The following PLPPR1 variants were observed in gnomAD, a reference collection of about 807,000 sequenced individuals.
PLPPR1 encodes phospholipid phosphatase related 1.
A neutral mutation model predicts 33.1 loss-of-function variants in PLPPR1; 10 were observed. The observed-to-expected ratio is 0.30, with a 90% CI of 0.19 to 0.51. The LOEUF (loss-of-function observed/expected upper bound fraction) is 0.51, where lower values mean the gene tolerates loss of function less well. Among genes scored for constraint, PLPPR1 ranks in the 20% least tolerant of loss-of-function variants. The pLI is 0.97. For synonymous variants in PLPPR1, 151 were observed against 151.0 expected (o/e 1.00, Z 0.00); for missense variants, 304 against 408.1 (o/e 0.74, Z 2.20).
chr9:101,246,262 G>C (rs1588093693), intron 2 of PLPPR1, among the ~76,000 whole-genome samples: 1 of 151,468 alleles, frequency 6.6e-6, no homozygotes, highest in Non-Finnish European at 1.5e-5. Context: ...CCCACCCTAA[G>C]AAAGGAGTAG....
At chr9:101,129,227 A>G (rs1339137377) in intron 1 of PLPPR1, among the ~76,000 whole-genome samples, 1 of 152,162 alleles carries the variant, frequency 6.6e-6, no homozygotes, top group Non-Finnish European at 1.5e-5. Context: ...AAATGTTGGC[A>G]AAGTGATGGA....
At chr9:101,312,125 T>G (rs1366653093) in intron 5 of PLPPR1, among the ~76,000 whole-genome samples, 1 of 152,202 alleles carries the variant, frequency 6.6e-6, no homozygotes, top group African/African-American at 2.4e-5. Flanking sequence ...ACAGAAAATT[T>G]TAATATTTTA....
At chr9:101,254,063 C>T (rs1252550175) in intron 2 of PLPPR1, among the ~76,000 whole-genome samples, 2 of 152,036 alleles carry the variant, frequency 1.3e-5, no homozygotes, top group African/African-American at 4.8e-5. Flanking sequence ...ACATTTTTGG[C>T]ACCAGAGACC....
At chr9:101,109,191 G>T (rs1338871585) in intron 1 of PLPPR1, among the ~76,000 whole-genome samples, 1 of 141,886 alleles carries the variant, frequency 7.0e-6, no homozygotes, top group Admixed American at 7.4e-5. Context: ...AGCCAGGATG[G>T]TCTCTATCTC....
chr9:101,240,102 T>C (rs1006364523), intron 2 of PLPPR1, among the ~76,000 whole-genome samples: 1 of 152,090 alleles, frequency 6.6e-6, no homozygotes, highest in African/African-American at 2.4e-5. Flanking sequence ...AGTTTTATTC[T>C]TCCGCCTATG....
intron 2 of PLPPR1, among the ~76,000 whole-genome samples, chr9:101,222,465 GGA>G (rs1399069187): frequency 6.6e-6 from 1 of 152,088 alleles, no homozygotes; most frequent in Non-Finnish European, 1.5e-5. Context: ...GTATGAGGTG[GGA>G]CCAGGAGGCA....
intron 2 of PLPPR1, among the ~76,000 whole-genome samples, chr9:101,257,305 A>G (rs1827819577): frequency 6.6e-6 from 1 of 152,188 alleles, no homozygotes; most frequent in Non-Finnish European, 1.5e-5. Context: ...ACACATTTAT[A>G]TGAAACCAAT....
chr9:101,240,120 A>G (rs78290209), intron 2 of PLPPR1, among the ~76,000 whole-genome samples: 11,176 of 152,002 alleles, frequency 0.074, 1,339 homozygotes, highest in African/African-American at 0.25. Context: ...ATGGAGATCC[A>G]GTTTTTTTCT....
chr9:101,230,347 A>G (rs1037257981), intron 2 of PLPPR1, among the ~76,000 whole-genome samples: 28 of 152,088 alleles, frequency 1.8e-4, no homozygotes, highest in African/African-American at 6.3e-4. Flanking sequence ...GATTGTTGAT[A>G]TTTCCTTTCA....
In PLPPR1 at chr9:101,317,366, G is replaced by A. The variant is rs1307147972; in HGVS notation, c.815G>A (p.Gly272Glu). ...ILGTAVALFLGMCVVHNFKGT... is the reference protein window; with the variant it reads ...ILGTAVALFLEMCVVHNFKGT... ...TCTTTTTTCCCCCTCATCCTGCAGGGAATGTGTGTGGTTCATAACTTTAAA... is the reference window on the plus strand; with the variant it reads ...TCTTTTTTCCCCCTCATCCTGCAGGAAATGTGTGTGGTTCATAACTTTAAA... Residue 272 changes from glycine to glutamate, a missense_variant and splice_region_variant, in exon 7 of 8, where the codon GGA (glycine) becomes GAA (glutamate). Coordinates refer to ENST00000374874, the MANE Select transcript of PLPPR1 (RefSeq NM_207299.2). The A allele has an allele frequency of 1.2e-6, 2 of 1,613,368 alleles. No individual in the cohort carries two copies. The highest frequency in any genetic ancestry group is 1.7e-6 in the Non-Finnish European group (2 of 1,179,740).
At chr9:101,232,220 A>C (rs978851799) in intron 2 of PLPPR1, among the ~76,000 whole-genome samples, 1 of 152,008 alleles carries the variant, frequency 6.6e-6, no homozygotes, top group Non-Finnish European at 1.5e-5. Context: ...CTGATTATCC[A>C]AAAGCATTCT....
intron 1 of PLPPR1, among the ~76,000 whole-genome samples, chr9:101,168,894 T>C (rs1299978051): frequency 6.6e-6 from 1 of 152,074 alleles, no homozygotes; most frequent in African/African-American, 2.4e-5. Flanking sequence ...AACAAAACAA[T>C]CCTTGACCTT....
At chr9:101,323,347 T>C (rs1199545035) in intron 7 of PLPPR1, among the ~76,000 whole-genome samples, 1 of 150,994 alleles carries the variant, frequency 6.6e-6, no homozygotes, top group African/African-American at 2.4e-5. Flanking sequence ...ATTTAAAAGT[T>C]AACCAGGCAT....
intron 1 of PLPPR1, among the ~76,000 whole-genome samples, chr9:101,031,278 T>C (rs1364709971): frequency 6.6e-6 from 1 of 152,234 alleles, no homozygotes; most frequent in African/African-American, 2.4e-5. Context: ...TCTTCCTTCA[T>C]CTGCAAGATC....
chr9:101,135,243 A>G (rs72741438), intron 1 of PLPPR1, among the ~76,000 whole-genome samples: 23,549 of 152,106 alleles, frequency 0.15, 2,102 homozygotes, highest in Non-Finnish European at 0.2. Context: ...CGAAAAAAGC[A>G]AAGGTTAATT....
At chr9:101,272,371 A>T (rs1015880375) in intron 3 of PLPPR1, among the ~76,000 whole-genome samples, 1 of 152,208 alleles carries the variant, frequency 6.6e-6, no homozygotes, top group Non-Finnish European at 1.5e-5. Flanking sequence ...TTCCGTGCAT[A>T]TTACAAACAA....
chr9:101,181,797 T>C (rs1826118481), intron 1 of PLPPR1, among the ~76,000 whole-genome samples: 1 of 148,556 alleles, frequency 6.7e-6, no homozygotes, highest in African/African-American at 2.5e-5. Context: ...ATACACCAGA[T>C]TTTCTTCATT....
chr9:101,031,415 G>T (rs1387859771), intron 1 of PLPPR1, among the ~76,000 whole-genome samples: 4 of 152,088 alleles, frequency 2.6e-5, no homozygotes, highest in African/African-American at 4.8e-5. Flanking sequence ...TGTTCTAGTT[G>T]TAAATACAAG....
chr9:101,311,887 TAAC>T (rs1828963331), intron 5 of PLPPR1, among the ~76,000 whole-genome samples: 1 of 152,214 alleles, frequency 6.6e-6, no homozygotes, highest in Non-Finnish European at 1.5e-5. Flanking sequence ...TGGTGTTTTG[TAAC>T]TACTACCAAA....
Sources: allele counts gnomAD v4.1 joint callset (sites outside exome capture counted in the v4.1 genomes callset), GRCh38; gene constraint gnomAD v4.1.1; transcripts MANE v1.5; gene names NCBI Gene and HGNC (gene_info 2026-07-23, HGNC 2026-07-21).